The following ZNF479 variants were observed in gnomAD, a reference collection of about 807,000 sequenced individuals.
ZNF479 encodes zinc finger protein 479.
A neutral mutation model predicts 14.7 loss-of-function variants in ZNF479; 15 were observed. The observed-to-expected ratio is 1.02, with a 90% CI of 0.68 to 1.57. ZNF479 has a LOEUF of 1.57. Among genes scored for constraint, ZNF479 ranks in the 40% most tolerant of loss-of-function variants. The probability of loss-of-function intolerance (pLI) is 0.00; values close to 1 mark genes in which losing one functional copy is unlikely to be tolerated. For missense variants in ZNF479, 506 were observed against 615.1 expected (o/e 0.82, Z 1.88); for synonymous variants, 145 against 211.5 (o/e 0.69, Z 2.73).
chr7:57,128,898 T>C (rs111772210), intron 1 of ZNF479, among the ~76,000 whole-genome samples: 1 of 152,202 alleles, frequency 6.6e-6, no homozygotes, highest in Admixed American at 6.5e-5. Flanking sequence ...CTCTGAAATG[T>C]ATTTTCAGAT....
In ZNF479 at chr7:57,120,423, C is replaced by A; in HGVS notation, c.992G>T (p.Gly331Val). The A allele has an allele frequency of 6.2e-7, 1 of 1,612,968 alleles. No homozygotes were observed. Among genetic ancestry groups the A allele is most frequent in the Non-Finnish European group, 8.5e-7 (1 of 1,179,574 alleles). Reference sequence around the variant, plus strand: ...GTTTGAGGACCAGCTAAAGGCTTTGCCACATTCCTCACACCTGCAGGGTTT... The same window carrying A: ...GTTTGAGGACCAGCTAAAGGCTTTGACACATTCCTCACACCTGCAGGGTTT... ...GEKPCRCEECGKAFSWSSNLT... is the reference protein window; with the variant it reads ...GEKPCRCEECVKAFSWSSNLT... The change falls in exon 4 of 4, where the codon GGC becomes GTC. Residue 331 changes from glycine (G) to valine (V), a missense_variant. This residue lies in a region of ZNF479 where 420 missense variants were observed against 474.2 expected (regional missense o/e 0.89). Transcript: ENST00000319636.
intron 2 of ZNF479, 43 bp from the exon 3 acceptor site, chr7:57,126,156 T>C: frequency 6.5e-7 from 1 of 1,539,990 alleles, no homozygotes; most frequent in Non-Finnish European, 8.8e-7. Flanking sequence ...CATGCTGAAT[T>C]CTTTAATTAC....
chr7:57,130,304 C>T (rs1786358072), intron 1 of ZNF479, among the ~76,000 whole-genome samples: 1 of 152,116 alleles, frequency 6.6e-6, no homozygotes, highest in Non-Finnish European at 1.5e-5. Flanking sequence ...GAAAGCCAAT[C>T]TCTACTAAAA....
upstream of ZNF479, among the ~76,000 whole-genome samples, chr7:57,133,440 T>A (rs1786519792): frequency 6.6e-6 from 1 of 152,186 alleles, no homozygotes; most frequent in Admixed American, 6.5e-5. Context: ...GAGCTATTTG[T>A]TTGTAGCAGT....
intron 3 of ZNF479, among the ~76,000 whole-genome samples, chr7:57,124,712 G>A (rs1170681753): frequency 6.6e-6 from 1 of 152,188 alleles, no homozygotes; most frequent in Non-Finnish European, 1.5e-5. Flanking sequence ...CATGTGATAA[G>A]ACTTAATATT....
chr7:57,120,393 G>C lies in ZNF479; in HGVS notation c.1022C>G (p.Thr341Ser), dbSNP rs1404122750. The C allele has an allele frequency of 5.0e-6, 8 of 1,613,244 alleles. No individual in the cohort carries two copies. Among genetic ancestry groups the C allele is most frequent in the African/African-American group, 1.3e-5 (1 of 74,810 alleles). ...TCTAGTATGAATTCTCTTATGTCTA[G>C]TAAGGTTTGAGGACCAGCTAAAGGC... ...GKAFSWSSNL[T>S]RHKRIHTREK... is the part of the protein sequence containing the mutation. Residue 341 changes from threonine (T) to serine (S), a missense_variant, in exon 4 of 4, where the codon ACT becomes AGT. Thr to Ser is a moderately conservative substitution (Grantham distance 58). Around this residue, in one of 3 missense-constraint regions of ZNF479, gnomAD observed 420 missense variants for 474.2 expected, o/e 0.89. Coordinates refer to ENST00000319636, the MANE Select transcript of ZNF479 (RefSeq NM_001370129.2).
rs764216456 is a variant in ZNF479, at chr7:57,126,075, C to A, written c.205G>T (p.Glu69Ter). ...ATATTCTGGGACTCTTTATTTTGCT[C>A]CAGACAGGTGATCAAGTCTGGCTTA... is the stretch of plus-strand genomic sequence containing the variant. ...VSKPDLITCL[E>*]QNKESQNIKR... The change falls in exon 3 of 4, where the codon GAG (glutamate) becomes TAG (stop). Residue 69 changes from glutamate to a stop codon, truncating the protein, a stop_gained. Transcript: ENST00000319636. LOFTEE classifies it high-confidence loss of function. 6.9e-6 allele frequency: 11 copies of A among 1,603,688 alleles called. No homozygotes were observed. Among genetic ancestry groups the A allele is most frequent in the Non-Finnish European group, 6.8e-6 (8 of 1,179,838 alleles).
rs1229094647 is a variant in ZNF479 at position 57,118,289 on chromosome 7, T to C, written c.*1551A>G. Among the ~76,000 whole-genome samples, 6 of 152,252 alleles carry C rather than the reference T, an allele frequency of 3.9e-5. No homozygotes were observed. The highest frequency in any genetic ancestry group is 1.4e-4 in the African/African-American group (6 of 41,478). On this transcript the variant is annotated 3_prime_UTR_variant, in exon 4 of 4. Transcript: ENST00000319636. Reference sequence around the variant, plus strand: ...GAAGTAAAGGTACAGCAATCCTCTTTAAGTTTGTATGTTTGTCTTCAGAAT... The same window carrying C: ...GAAGTAAAGGTACAGCAATCCTCTTCAAGTTTGTATGTTTGTCTTCAGAAT...
At position 57,118,464 on chromosome 7, in the gene ZNF479, C is replaced by T. The variant is rs1247867867; in HGVS notation, c.*1376G>A. ...TCAGCTCACTGCAACCTCTGCCTCC[C>T]CGGTTCAAGCAATTCTCCTACCTCT... On this transcript the variant is annotated 3_prime_UTR_variant, in exon 4 of 4. Transcript: ENST00000319636. Among the ~76,000 whole-genome samples, 1 of 152,122 alleles carries T rather than the reference C, an allele frequency of 6.6e-6. No individual in the cohort carries two copies. Among genetic ancestry groups the T allele is most frequent in the Non-Finnish European group, 1.5e-5 (1 of 68,018 alleles).
chr7:57,132,148 G>C, intron 1 of ZNF479, 138 bp downstream of exon 1: 2 of 1,502,394 alleles, frequency 1.3e-6, no homozygotes, highest in Non-Finnish European at 1.8e-6. Flanking sequence ...GGGGACGAGA[G>C]CCGAGCTGGG....
intron 3 of ZNF479, 41 bp from the exon 4 acceptor site, chr7:57,121,193 C>T (rs1554400559): frequency 7.4e-6 from 12 of 1,613,048 alleles, no homozygotes; most frequent in Non-Finnish European, 1.0e-5. Flanking sequence ...ACTTTCTGGA[C>T]TCATATAAAT....
upstream of ZNF479, chr7:57,132,442 G>A (rs562754413): frequency 1.2e-4 from 178 of 1,493,752 alleles, 1 homozygote; most frequent in South Asian, 1.8e-3. Context: ...CAAAGGACCC[G>A]CAAAATTACG....
chr7:57,132,216 G>A lies in ZNF479; in HGVS notation c.39+70C>T, dbSNP rs1334065294. ...CTGACTGCAAGAAAGTCTGGGACCT[G>A]CTACAGCCACTTTCTGCCGGTTCCA... On this transcript the variant is annotated intron_variant, in intron 1 of 3. Coordinates refer to ENST00000319636, the MANE Select transcript of ZNF479 (RefSeq NM_001370129.2). The A allele has an allele frequency of 3.1e-6, 5 of 1,613,112 alleles. No homozygotes were observed. The African/African-American group carries it at 6.7e-5, about 22-fold the overall frequency.
upstream of ZNF479, among the ~76,000 whole-genome samples, chr7:57,132,498 T>C (rs1289480086): frequency 6.6e-6 from 1 of 152,142 alleles, no homozygotes; most frequent in Non-Finnish European, 1.5e-5. Flanking sequence ...GGACAGTTTC[T>C]AGTCCACGGC....
intron 1 of ZNF479, among the ~76,000 whole-genome samples, chr7:57,129,261 A>T (rs939968132): frequency 2.0e-5 from 3 of 152,278 alleles, no homozygotes; most frequent in Admixed American, 2.0e-4. Context: ...CTCTCCTGAA[A>T]GTATCTTGAA....
intron 1 of ZNF479, among the ~76,000 whole-genome samples, chr7:57,139,126 T>A (rs1786769646): frequency 1.3e-5 from 2 of 152,166 alleles, no homozygotes; most frequent in Non-Finnish European, 2.9e-5. Context: ...GACAGTGTCA[T>A]AACAGGGAGC....
In ZNF479 at chr7:57,120,543, T is replaced by C; in HGVS notation, c.872A>G (p.His291Arg). ...SSALTNHKRIHTGERPYKCEE... is the reference protein window; with the variant it reads ...SSALTNHKRIRTGERPYKCEE... ...ACATTTGTAGGGTCTCTCTCCAGTA[T>C]GAATTCTCTTGTGGTTAGTAAGTGC... Residue 291 changes from histidine (H) to arginine (R), a missense_variant, in exon 4 of 4, where the codon CAT becomes CGT. His to Arg is a conservative substitution (Grantham distance 29). This residue lies in a region of ZNF479 where 420 missense variants were observed against 474.2 expected (regional missense o/e 0.89). Coordinates refer to ENST00000319636, the MANE Select transcript of ZNF479 (RefSeq NM_001370129.2). 6.2e-7 allele frequency: 1 copy of C among 1,613,896 alleles called. No individual in the cohort carries two copies. Among genetic ancestry groups the C allele is most frequent in the Non-Finnish European group, 8.5e-7 (1 of 1,179,948 alleles).
rs1785849952 is a variant in ZNF479 at position 57,120,195 on chromosome 7, C to T, written c.1220G>A (p.Arg407Lys). 2 of 1,609,126 alleles carry T rather than the reference C, an allele frequency of 1.2e-6. No homozygotes were observed. Among genetic ancestry groups the T allele is most frequent in the Admixed American group, 1.7e-5 (1 of 59,548 alleles). ...GCCACACTCTTCACATTTGTAGGGTCTCTCTCCAGTATGAATTCTCTTGTG... is the reference window on the plus strand; with the variant it reads ...GCCACACTCTTCACATTTGTAGGGTTTCTCTCCAGTATGAATTCTCTTGTG... ...TIHKRIHTGE[R>K]PYKCEECGKV... Residue 407 changes from arginine to lysine, a missense_variant, in exon 4 of 4, where the codon AGA becomes AAA. Around this residue, in one of 3 missense-constraint regions of ZNF479, gnomAD observed 14 missense variants for 43.4 expected, o/e 0.32. Transcript: ENST00000319636.
At chr7:57,123,288 A>C (rs2115863675) in intron 3 of ZNF479, among the ~76,000 whole-genome samples, 1 of 152,306 alleles carries the variant, frequency 6.6e-6, no homozygotes. Context: ...GAATTAGTAG[A>C]GTGAGAACTC....
Sources: allele counts gnomAD v4.1 joint callset (sites outside exome capture counted in the v4.1 genomes callset), GRCh38; gene constraint gnomAD v4.1.1; regional missense constraint gnomAD v4.1.1; transcripts MANE v1.5; gene names NCBI Gene and HGNC (gene_info 2026-07-23, HGNC 2026-07-21).